Variants in DEPDC1B observed in about 807,000 individuals in gnomAD.
DEPDC1B encodes DEP domain containing 1B, also known as DEP domain-containing protein 1B.
In DEPDC1B, 51 loss-of-function variants were observed where a neutral mutation model predicts 66.5. The ratio of observed to expected loss-of-function variants is 0.77; its 90% CI spans 0.61 to 0.97. The LOEUF (loss-of-function observed/expected upper bound fraction) is 0.97, where lower values mean the gene tolerates loss of function less well. DEPDC1B is among the 50% of genes least tolerant of loss of function. The pLI, the probability that DEPDC1B is intolerant of heterozygous loss-of-function variation, is 0.00. For missense variants in DEPDC1B, 552 were observed against 637.1 expected (o/e 0.87, Z 1.44); for synonymous variants, 226 against 223.6 (o/e 1.01, Z -0.10).
chr5:60,696,857 T>C (rs996855610), intron 1 of DEPDC1B, among the ~76,000 whole-genome samples: 1 of 149,894 alleles, frequency 6.7e-6, no homozygotes, highest in Non-Finnish European at 1.5e-5. Context: ...TTTCATTTCT[T>C]CTTAGTACCA....
At position 60,687,227 on chromosome 5, in the gene DEPDC1B, A is replaced by T; in HGVS notation, c.49T>A (p.Trp17Arg). 1 of 1,599,418 alleles carries T rather than the reference A, an allele frequency of 6.3e-7. No individual in the cohort carries two copies. The highest frequency in any genetic ancestry group is 8.6e-7 in the Non-Finnish European group (1 of 1,168,794). ...CGAAAAAGCTCCACGGTCTCATTCC[A>T]CTAGGGGAAAGAAAGAGAATGGCAT... ...GPGPYRATRL[W>R]NETVELFRAK... The change falls in exon 2 of 11, where the codon TGG becomes AGG. Residue 17 changes from tryptophan (W) to arginine (R), a missense_variant and splice_region_variant. Trp to Arg is a moderately radical substitution (Grantham distance 101, BLOSUM62 -3). Transcript: ENST00000265036.
At chr5:60,699,833 T>C (rs1472364419) in intron 1 of DEPDC1B, among the ~76,000 whole-genome samples, 1 of 152,156 alleles carries the variant, frequency 6.6e-6, no homozygotes, top group Non-Finnish European at 1.5e-5. Flanking sequence ...TGGACAAAGC[T>C]GCACTAACCC....
chr5:60,645,576 T>G lies in DEPDC1B; in HGVS notation c.494A>C (p.Glu165Ala), dbSNP rs1425696972. 5.6e-6 allele frequency: 9 copies of G among 1,613,064 alleles called. No individual in the cohort carries two copies. Among genetic ancestry groups the G allele is most frequent in the Non-Finnish European group, 7.6e-6 (9 of 1,179,436 alleles). The change falls in exon 4 of 11, where the codon GAG (glutamate) becomes GCG (alanine). Residue 165 changes from glutamate to alanine, a missense_variant. By Grantham distance (107) the Glu-to-Ala change is moderately radical. Transcript: ENST00000265036. Reference sequence around the variant, plus strand: ...GTGGACAAGACGGCAAGCTGGCACCTCTCCAATTGCAATACTGTGACGCTT... The same window carrying G: ...GTGGACAAGACGGCAAGCTGGCACCGCTCCAATTGCAATACTGTGACGCTT... ...WYKRHSIAIG[E>A]VPACRLVHRR...
intron 2 of DEPDC1B, among the ~76,000 whole-genome samples, chr5:60,663,466 C>A (rs1355160555): frequency 6.6e-6 from 1 of 152,134 alleles, no homozygotes; most frequent in Non-Finnish European, 1.5e-5. Context: ...TGTACCTAAC[C>A]CTTATACTAT....
At chr5:60,633,241 T>C (rs529994975) in intron 7 of DEPDC1B, among the ~76,000 whole-genome samples, 2 of 152,336 alleles carry the variant, frequency 1.3e-5, no homozygotes, top group Non-Finnish European at 2.9e-5. Context: ...CTGCCTTCTC[T>C]ATGGTAGGTA....
intron 1 of DEPDC1B, among the ~76,000 whole-genome samples, chr5:60,690,297 T>C (rs1754512722): frequency 6.6e-6 from 1 of 152,122 alleles, no homozygotes; most frequent in South Asian, 2.1e-4. Context: ...CAAAACAAAA[T>C]ACTATCAATA....
intron 9 of DEPDC1B, among the ~76,000 whole-genome samples, chr5:60,600,280 A>T (rs893628984): frequency 6.6e-6 from 1 of 152,188 alleles, no homozygotes; most frequent in African/African-American, 2.4e-5. Context: ...GAAGAGAGAA[A>T]TAAGAGGAAA....
chr5:60,617,128 C>T (rs998528916), intron 7 of DEPDC1B, among the ~76,000 whole-genome samples: 1 of 152,114 alleles, frequency 6.6e-6, no homozygotes, highest in Non-Finnish European at 1.5e-5. Context: ...AAAAGAGCTC[C>T]TGAAGGAAGC....
chr5:60,638,706 CA>C, intron 7 of DEPDC1B, 43 bp downstream of exon 7: 1 of 1,530,320 alleles, frequency 6.5e-7, no homozygotes, highest in South Asian at 1.3e-5. Flanking sequence ...TGAAACGATT[CA>C]ATATCAGTGA....
intron 7 of DEPDC1B, among the ~76,000 whole-genome samples, chr5:60,618,034 GACTACTGGGT>G (rs1301486384): frequency 6.6e-6 from 1 of 152,176 alleles, no homozygotes; most frequent in Non-Finnish European, 1.5e-5. Context: ...GCTCCTAAAT[GACTACTGGGT>G]ACATAACAAA....
At chr5:60,619,040 C>T (rs910689191) in intron 7 of DEPDC1B, among the ~76,000 whole-genome samples, 25 of 152,314 alleles carry the variant, frequency 1.6e-4, no homozygotes, top group African/African-American at 5.3e-4. Context: ...ACAAAAACCA[C>T]ATGATTATCT....
rs1281260441 is a variant in DEPDC1B at position 60,647,523 on chromosome 5, A to G, written c.325T>C (p.Ser109Pro). 2 of 1,611,020 alleles carry G rather than the reference A, an allele frequency of 1.2e-6. No individual in the cohort carries two copies. The highest frequency in any genetic ancestry group is 1.7e-6 in the Non-Finnish European group (2 of 1,179,232). Residue 109 changes from serine to proline, a missense_variant, in exon 3 of 11, where the codon TCT becomes CCT. By Grantham distance (74) the Ser-to-Pro change is moderately conservative. Coordinates refer to ENST00000265036, the MANE Select transcript of DEPDC1B (RefSeq NM_018369.3). The part of the protein sequence containing the change: ...DNRHLYRFPP[S>P]SPLKPYPKKP... ...TTTGGATATGGTTTCAGGGGTGAAGAAGGAGGAAATCTAAAACCCAAGAAG... is the reference window on the plus strand; with the variant it reads ...TTTGGATATGGTTTCAGGGGTGAAGGAGGAGGAAATCTAAAACCCAAGAAG...
chr5:60,667,828 C>T lies in DEPDC1B; in HGVS notation c.314+19134G>A, dbSNP rs190789735. ...ATATATATAAAAAATGGATATTTTA[C>T]ATATATGTAAAAAATGGATATTTTA... On this transcript the variant is annotated intron_variant, in intron 2 of 10. Transcript: ENST00000265036. 1.6e-3 allele frequency among the ~76,000 whole-genome samples: 80 copies of T among 50,046 alleles called. 8 individuals are homozygous for T. Among genetic ancestry groups the T allele is most frequent in the African/African-American group, 2.2e-3 (32 of 14,574 alleles). The allele number at this position is 50,046 out of a possible 152,430, so 32.8% of individuals were successfully genotyped here.
intron 7 of DEPDC1B, among the ~76,000 whole-genome samples, chr5:60,624,902 A>G (rs1205120665): frequency 9.7e-6 from 1 of 103,612 alleles, no homozygotes; most frequent in Non-Finnish European, 1.9e-5. Context: ...CCTGCCCCCG[A>G]CCCCCCACAC....
At chr5:60,658,491 C>G (rs1753629521) in intron 2 of DEPDC1B, among the ~76,000 whole-genome samples, 1 of 152,088 alleles carries the variant, frequency 6.6e-6, no homozygotes, top group African/African-American at 2.4e-5. Context: ...TGGGGTGATC[C>G]CTTTGAGAGA....
chr5:60,655,701 G>A (rs1753559959), intron 2 of DEPDC1B, among the ~76,000 whole-genome samples: 1 of 148,978 alleles, frequency 6.7e-6, no homozygotes, highest in Non-Finnish European at 1.5e-5. Flanking sequence ...TCCTTGAGGT[G>A]TGACCTTAGA....
chr5:60,689,853 G>C (rs140386909), intron 1 of DEPDC1B, among the ~76,000 whole-genome samples: 1,885 of 152,272 alleles, frequency 0.012, 16 homozygotes, highest in Non-Finnish European at 0.02. Context: ...ACCAGCCTGG[G>C]CATCATGGGG....
chr5:60,637,261 C>T (rs1216267592), intron 7 of DEPDC1B, among the ~76,000 whole-genome samples: 1 of 152,136 alleles, frequency 6.6e-6, no homozygotes, highest in Non-Finnish European at 1.5e-5. Flanking sequence ...GGGGCAGTTT[C>T]TAATGGCTTA....
At chr5:60,665,131 A>G (rs1192021636) in intron 2 of DEPDC1B, among the ~76,000 whole-genome samples, 3 of 152,210 alleles carry the variant, frequency 2.0e-5, no homozygotes, top group Admixed American at 2.0e-4. Context: ...AGTACTCAGC[A>G]GAAGAAATAG....
Sources: allele counts gnomAD v4.1 joint callset (sites outside exome capture counted in the v4.1 genomes callset), GRCh38; gene constraint gnomAD v4.1.1; transcripts MANE v1.5; gene names NCBI Gene and HGNC (gene_info 2026-07-23, HGNC 2026-07-21).